Variants in BRD1 observed in about 807,000 individuals in gnomAD.
The protein encoded by BRD1 is bromodomain containing 1, also known as bromodomain-containing protein 1.
BRD1 carries 24 observed loss-of-function variants against 107.7 expected under a neutral mutation model. That is an observed-to-expected ratio of 0.22 (90% confidence interval 0.16 to 0.31). The LOEUF (loss-of-function observed/expected upper bound fraction) is 0.31. BRD1 is among the 10% of genes least tolerant of loss of function. The pLI is 1.00. For missense variants in BRD1, 1,279 were observed against 1,638.6 expected, an observed-to-expected ratio of 0.78 and a Z score of 3.79; for synonymous variants, 744 against 686.1, an observed-to-expected ratio of 1.08 and a Z score of -1.32.
chr22:49,822,641 C>T (rs1365725499), intron 2 of BRD1, among the ~76,000 whole-genome samples: 1 of 151,818 alleles, frequency 6.6e-6, no homozygotes, highest in African/African-American at 2.4e-5. Flanking sequence ...ACCCAGGAGG[C>T]GGGGGTTGCA....
intron 8 of BRD1, among the ~76,000 whole-genome samples, chr22:49,786,639 G>A (rs938932133): frequency 9.2e-5 from 14 of 152,170 alleles, no homozygotes; most frequent in African/African-American, 3.4e-4. Flanking sequence ...CCAGGGAAGG[G>A]CCAGGCTCAA....
chr22:49,808,235 T>A (rs1190177359), intron 2 of BRD1, among the ~76,000 whole-genome samples: 1 of 152,176 alleles, frequency 6.6e-6, no homozygotes, highest in East Asian at 1.9e-4. Flanking sequence ...CCCATGTTCT[T>A]CACAGCATTA....
intron 2 of BRD1, among the ~76,000 whole-genome samples, chr22:49,818,850 C>T (rs572748048): frequency 2.6e-4 from 40 of 151,816 alleles, no homozygotes; most frequent in Middle Eastern, 6.8e-3. Flanking sequence ...CGTGCCACTG[C>T]GCTCCAGCCT....
chr22:49,793,510 G>A (rs1383943669), intron 7 of BRD1, among the ~76,000 whole-genome samples: 2 of 152,178 alleles, frequency 1.3e-5, no homozygotes, highest in African/African-American at 2.4e-5. Context: ...GGGGACCCTC[G>A]GGGCAGACAA....
At chr22:49,776,200 A>T (rs1433575583) in intron 10 of BRD1, 41 bp from the exon 11 acceptor site, 2 of 1,544,442 alleles carry the variant, frequency 1.3e-6, no homozygotes, top group Admixed American at 3.4e-5. Context: ...CGTCAGCAGG[A>T]CACGGGGCAC....
At chr22:49,799,182 T>C in intron 3 of BRD1, 63 bp from the exon 4 acceptor site, 1 of 1,573,176 alleles carries the variant, frequency 6.4e-7, no homozygotes, top group Non-Finnish European at 8.6e-7. Context: ...AGGCCTCAGA[T>C]ACCATGCAGG....
intron 7 of BRD1, among the ~76,000 whole-genome samples, chr22:49,791,805 C>G (rs1052053986): frequency 6.6e-6 from 1 of 152,112 alleles, no homozygotes; most frequent in Non-Finnish European, 1.5e-5. Context: ...GACTTTCAGG[C>G]CACTTGCTTC....
chr22:49,817,946 T>C (rs2059986345), intron 2 of BRD1, among the ~76,000 whole-genome samples: 1 of 152,166 alleles, frequency 6.6e-6, no homozygotes, highest in Non-Finnish European at 1.5e-5. Flanking sequence ...AGTGTTAGGA[T>C]TACTAGCCTG....
Position 49,798,280 on chromosome 22 carries a change from C to T in BRD1, c.1786-163G>A, listed in dbSNP as rs73891108. 0.01 allele frequency among the ~76,000 whole-genome samples: 1,542 copies of T among 152,288 alleles called. 25 individuals are homozygous for T. The highest frequency in any genetic ancestry group is 0.035 in the African/African-American group (1,468 of 41,534). ...GACCCAAGTACTGCAGGGACCTTCC[C>T]GACCCCAGCTCCTTCAGCTAAAGCA... is the stretch of plus-strand genomic sequence containing the variant. On this transcript the variant is annotated intron_variant, in intron 5 of 12. Transcript: ENST00000404760.
At chr22:49,809,904 G>A (rs1232348963) in intron 2 of BRD1, among the ~76,000 whole-genome samples, 2 of 152,154 alleles carry the variant, frequency 1.3e-5, no homozygotes, top group African/African-American at 2.4e-5. Flanking sequence ...ATGTAAGCAT[G>A]ACTTATACAT....
chr22:49,801,943 A>G (rs577564309), intron 3 of BRD1, among the ~76,000 whole-genome samples: 142 of 152,274 alleles, frequency 9.3e-4, no homozygotes, highest in African/African-American at 3.0e-3. Flanking sequence ...AGCTTATGAG[A>G]GTAGAAATGA....
intron 2 of BRD1, among the ~76,000 whole-genome samples, chr22:49,810,642 C>G (rs1254270146): frequency 6.6e-6 from 1 of 152,156 alleles, no homozygotes; most frequent in Non-Finnish European, 1.5e-5. Flanking sequence ...AGTCAGCTAA[C>G]CAATGAAAAC....
chr22:49,808,114 A>G (rs1327991924), intron 2 of BRD1, among the ~76,000 whole-genome samples: 1 of 152,190 alleles, frequency 6.6e-6, no homozygotes, highest in Admixed American at 6.5e-5. Flanking sequence ...CGCTGTGGAA[A>G]ACAGTGTTGT....
chr22:49,826,224 G>A (rs748388632), intron 1 of BRD1: 14 of 985,296 alleles, frequency 1.4e-5, no homozygotes, highest in Non-Finnish European at 1.7e-5. Flanking sequence ...AGCAGCCCCT[G>A]GAAACCCACT....
rs565523063 is a variant in BRD1 at position 49,799,012 on chromosome 22, C to T, written c.1632G>A (p.Lys544=). The T allele has an allele frequency of 5.0e-6, 8 of 1,610,422 alleles. No homozygotes were observed. In the South Asian group the frequency reaches 8.8e-5, roughly 18 times the overall value. The part of the protein sequence containing the change: ...RARLLIELLR[K]REKLKREQVK... Reference sequence around the variant, plus strand: ...CCTGCTCACGCTTGAGCTTCTCCCGCTTGCGCAGCAGCTCGATCAGCAGGC... The same window carrying T: ...CCTGCTCACGCTTGAGCTTCTCCCGTTTGCGCAGCAGCTCGATCAGCAGGC... The change falls in exon 4 of 13, where the codon AAG becomes AAA. Residue 544 remains lysine, a synonymous_variant. Coordinates refer to ENST00000404760, the MANE Select transcript of BRD1 (RefSeq NM_001304808.3).
chr22:49,785,091 A>G (rs1376324685), intron 8 of BRD1, among the ~76,000 whole-genome samples: 2 of 152,232 alleles, frequency 1.3e-5, no homozygotes, highest in Non-Finnish European at 2.9e-5. Flanking sequence ...GAAGCCCGCA[A>G]AACACTCCAC....
At chr22:49,812,299 T>C (rs759588204) in intron 2 of BRD1, among the ~76,000 whole-genome samples, 1 of 152,158 alleles carries the variant, frequency 6.6e-6, no homozygotes, top group Admixed American at 6.5e-5. Flanking sequence ...CTACAACACA[T>C]AGCTAAAAAC....
intron 8 of BRD1, among the ~76,000 whole-genome samples, chr22:49,785,704 C>T (rs1385110334): frequency 6.6e-6 from 1 of 152,240 alleles, no homozygotes; most frequent in Non-Finnish European, 1.5e-5. Context: ...GCCAATTTAA[C>T]ATCAATCCAT....
chr22:49,826,187 G>A (rs778945288), intron 1 of BRD1: 235 of 985,312 alleles, frequency 2.4e-4, no homozygotes, highest in Admixed American at 3.7e-4. Context: ...CCCCTCGACA[G>A]CAAAGTCCTG....
Sources: allele counts gnomAD v4.1 joint callset (sites outside exome capture counted in the v4.1 genomes callset), GRCh38; gene constraint gnomAD v4.1.1; transcripts MANE v1.5; gene names NCBI Gene and HGNC (gene_info 2026-07-23, HGNC 2026-07-21).